Variants in TARBP1 observed in about 807,000 individuals in gnomAD.
TARBP1 encodes tRNA guanosine 2 -O-methyltransferase TARBP1.
In TARBP1, 144 loss-of-function variants were observed where a neutral mutation model predicts 178.6. The observed-to-expected ratio is 0.81, with a 90% CI of 0.70 to 0.93. TARBP1 has a LOEUF of 0.93. TARBP1 is among the 40% of genes least tolerant of loss of function. The pLI is 0.00. For synonymous variants in TARBP1, 787 were observed against 781.0 expected (o/e 1.01, Z -0.13); for missense variants, 2,067 against 2,011.7 (o/e 1.03, Z -0.53).
At chr1:234,468,823 G>A (rs553078957) in intron 3 of TARBP1, among the ~76,000 whole-genome samples, 2 of 151,810 alleles carry the variant, frequency 1.3e-5, no homozygotes, top group East Asian at 2.0e-4. Flanking sequence ...GTCCCAGGTG[G>A]TGCCTTCTCA....
rs571309154 is a variant in TARBP1, at chr1:234,415,154, T to C, written c.3705+2930A>G. Among the ~76,000 whole-genome samples the C allele has an allele frequency of 6.6e-5, 10 of 152,190 alleles. No homozygotes were observed. The South Asian group carries it at 1.9e-3, about 28-fold the overall frequency. On this transcript the variant is annotated intron_variant, in intron 22 of 29. Transcript: ENST00000040877. ...AGAAAATGGATGCAACTCGAGCCTG[T>C]TGAAAAGCCAATGGGACCATTTGGC... is the stretch of plus-strand genomic sequence containing the variant.
chr1:234,413,592 G>C (rs564667986), intron 22 of TARBP1, among the ~76,000 whole-genome samples: 3 of 152,236 alleles, frequency 2.0e-5, no homozygotes, highest in Non-Finnish European at 4.4e-5. Flanking sequence ...AGAGAGACTA[G>C]AGAGGAAAGA....
intron 20 of TARBP1, among the ~76,000 whole-genome samples, chr1:234,421,521 C>CCT (rs1346312121): frequency 2.0e-5 from 3 of 152,060 alleles, no homozygotes; most frequent in African/African-American, 4.8e-5. Flanking sequence ...ACCTTGTGCC[C>CCT]CCGTGTCATA....
At chr1:234,423,597 G>A (rs559462625) in intron 20 of TARBP1, among the ~76,000 whole-genome samples, 5 of 152,118 alleles carry the variant, frequency 3.3e-5, no homozygotes, top group African/African-American at 4.8e-5. Flanking sequence ...TCCAACAGCC[G>A]GCCTGCAACC....
intron 14 of TARBP1, among the ~76,000 whole-genome samples, chr1:234,433,093 C>T (rs1664637070): frequency 6.6e-6 from 1 of 152,086 alleles, no homozygotes; most frequent in Admixed American, 6.6e-5. Flanking sequence ...GAAAAATTAG[C>T]CAGCCATGGT....
intron 1 of TARBP1, among the ~76,000 whole-genome samples, chr1:234,474,400 A>C (rs1304547412): frequency 6.6e-6 from 1 of 152,130 alleles, no homozygotes; most frequent in African/African-American, 2.4e-5. Flanking sequence ...AAGAACAGAA[A>C]ACAGAAAGGG....
chr1:234,423,621 C>T (rs1046508418), intron 20 of TARBP1, among the ~76,000 whole-genome samples: 22 of 152,200 alleles, frequency 1.4e-4, no homozygotes, highest in African/African-American at 4.8e-4. Context: ...TCGTCCTCCA[C>T]GCAGCACTAC....
At chr1:234,416,078 A>G (rs1331042505) in intron 22 of TARBP1, among the ~76,000 whole-genome samples, 1 of 152,224 alleles carries the variant, frequency 6.6e-6, no homozygotes, top group Non-Finnish European at 1.5e-5. Flanking sequence ...AACAACTGGC[A>G]CTACTGTGGA....
At chr1:234,464,070 G>GC (rs1429110393) in intron 5 of TARBP1, 136 bp from the exon 6 acceptor site, 1 of 461,938 alleles carries the variant, frequency 2.2e-6, no homozygotes, top group African/African-American at 2.0e-5. Flanking sequence ...TTCTGAACCT[G>GC]CATTTCATTT....
At chr1:234,418,983 T>A (rs955575372) in intron 21 of TARBP1, among the ~76,000 whole-genome samples, 14 of 152,146 alleles carry the variant, frequency 9.2e-5, no homozygotes, top group Middle Eastern at 6.8e-3. Flanking sequence ...CCATCCTGGC[T>A]AACACGGTGA....
intron 14 of TARBP1, among the ~76,000 whole-genome samples, chr1:234,433,097 C>A (rs1272265319): frequency 6.6e-6 from 1 of 151,886 alleles, no homozygotes; most frequent in Non-Finnish European, 1.5e-5. Flanking sequence ...AATTAGCCAG[C>A]CATGGTGGCA....
chr1:234,453,921 A>C (rs1339449857), intron 9 of TARBP1, among the ~76,000 whole-genome samples: 1 of 152,190 alleles, frequency 6.6e-6, no homozygotes, highest in African/African-American at 2.4e-5. Flanking sequence ...ACTCCAGGAC[A>C]TTAGGAGACA....
chr1:234,466,190 T>A (rs945335584), intron 4 of TARBP1, among the ~76,000 whole-genome samples: 1 of 152,188 alleles, frequency 6.6e-6, no homozygotes. Flanking sequence ...CATATCAATA[T>A]ACCACAGCAT....
Position 234,457,749 on chromosome 1 carries a change from A to G in TARBP1, c.1640T>C (p.Val547Ala). 1 of 1,608,338 alleles carries G rather than the reference A, an allele frequency of 6.2e-7. No homozygotes were observed. The highest frequency in any genetic ancestry group is 8.5e-7 in the Non-Finnish European group (1 of 1,176,492). ...TAMNLLDVEK[V>A]SLSDVSTFLM... ...AAAAGTTGAGACATCAGAAAGTGAC[A>G]CTTTCTCCTGGGCAGGGCAGGAAAG... is the stretch of plus-strand genomic sequence containing the variant. The change falls in exon 9 of 30, where the codon GTG (valine) becomes GCG (alanine). Residue 547 changes from valine to alanine, a missense_variant. Val to Ala is a moderately conservative substitution (Grantham distance 64). Transcript: ENST00000040877.
intron 1 of TARBP1, among the ~76,000 whole-genome samples, chr1:234,473,380 C>T (rs570338429): frequency 6.6e-6 from 1 of 152,302 alleles, no homozygotes; most frequent in East Asian, 1.9e-4. Flanking sequence ...TTCCTATGTC[C>T]TGAACAGGAA....
intron 26 of TARBP1, among the ~76,000 whole-genome samples, chr1:234,394,733 G>A (rs1659744337): frequency 6.6e-6 from 1 of 152,226 alleles, no homozygotes; most frequent in African/African-American, 2.4e-5. Flanking sequence ...TTGGTTTAGT[G>A]CACAGCCTGC....
chr1:234,432,884 G>A (rs771797770), intron 14 of TARBP1, among the ~76,000 whole-genome samples: 2 of 152,176 alleles, frequency 1.3e-5, no homozygotes, highest in Admixed American at 6.5e-5. Context: ...TACTGGACAC[G>A]TTTGGGCAAA....
At chr1:234,392,704 C>A in intron 28 of TARBP1, 152 bp from the exon 29 acceptor site, 4 of 551,420 alleles carry the variant, frequency 7.3e-6, no homozygotes, top group Non-Finnish European at 1.2e-5. Context: ...CCCAACATGA[C>A]ATCAATTTCT....
chr1:234,437,415 CT>C (rs1665141419), intron 12 of TARBP1, 43 bp from the exon 13 acceptor site: 1 of 1,043,236 alleles, frequency 9.6e-7, no homozygotes, highest in African/African-American at 1.6e-5. Context: ...GACAGCAGTT[CT>C]TTGGTACAAA....
Sources: gnomAD v4.1 joint callset for allele counts (sites outside exome capture counted in the v4.1 genomes callset) on GRCh38, gnomAD v4.1.1 for gene constraint, MANE v1.5 for transcripts, NCBI Gene and HGNC (gene_info 2026-07-23, HGNC 2026-07-21) for gene names.